The following BLNK variants were observed in gnomAD, a reference collection of about 807,000 sequenced individuals.
The protein encoded by BLNK is B cell linker, also known as B-cell linker protein.
BLNK carries 29 observed loss-of-function variants against 73.5 expected under a neutral mutation model. The ratio of observed to expected loss-of-function variants is 0.39; its 90% confidence interval spans 0.29 to 0.54. The LOEUF (loss-of-function observed/expected upper bound fraction) is 0.54, where lower values mean the gene tolerates loss of function less well. BLNK is among the 20% of genes least tolerant of loss of function. The probability of loss-of-function intolerance (pLI) is 0.61; values close to 1 mark genes in which losing one functional copy is unlikely to be tolerated. For synonymous variants in BLNK, 176 were observed against 200.8 expected (o/e 0.88, Z 1.04); for missense variants, 460 against 562.8 (o/e 0.82, Z 1.85).
chr10:96,239,227 G>A (rs1554905656), intron 3 of BLNK: 1 of 398,484 alleles, frequency 2.5e-6, no homozygotes, highest in East Asian at 3.6e-5. Context: ...AATGCCTAAA[G>A]CCAGGGAATG....
chr10:96,208,504 G>A (rs1554897960), intron 9 of BLNK, among the ~76,000 whole-genome samples: 1 of 152,140 alleles, frequency 6.6e-6, no homozygotes, highest in African/African-American at 2.4e-5. Flanking sequence ...GTACTTGCCT[G>A]CACTAACATT....
intron 2 of BLNK, among the ~76,000 whole-genome samples, chr10:96,244,171 G>A (rs1276724673): frequency 6.6e-6 from 1 of 152,050 alleles, no homozygotes; most frequent in Admixed American, 6.6e-5. Flanking sequence ...AAGCCAGCAG[G>A]GTGGGCTGGG....
chr10:96,233,298 T>C (rs1187186098), intron 3 of BLNK, among the ~76,000 whole-genome samples: 5 of 152,254 alleles, frequency 3.3e-5, no homozygotes, highest in Admixed American at 1.3e-4. Flanking sequence ...CAGTCACTGG[T>C]GAAAGTAGTG....
chr10:96,242,850 GA>G (rs1842921901), intron 2 of BLNK, 66 bp from the exon 3 acceptor site: 4 of 1,323,356 alleles, frequency 3.0e-6, no homozygotes, highest in Non-Finnish European at 4.4e-6. Context: ...GCCGATGCTA[GA>G]AGCTGATATA....
intron 15 of BLNK, chr10:96,199,621 A>G (rs2083574336): frequency 4.6e-6 from 2 of 433,968 alleles, no homozygotes; most frequent in Admixed American, 2.5e-5. Flanking sequence ...TAAGTAAAGG[A>G]AAAAGATCCT....
intron 1 of BLNK, among the ~76,000 whole-genome samples, chr10:96,247,802 C>A (rs1843112555): frequency 6.6e-6 from 1 of 152,200 alleles, no homozygotes; most frequent in Non-Finnish European, 1.5e-5. Flanking sequence ...TGATTGATCA[C>A]CTTCTGCAAC....
intron 1 of BLNK, among the ~76,000 whole-genome samples, chr10:96,257,774 G>A (rs765806565): frequency 4.6e-5 from 7 of 152,188 alleles, no homozygotes; most frequent in Non-Finnish European, 8.8e-5. Context: ...GGCACATGCA[G>A]GCCACAGAGC....
chr10:96,247,383 A>T (rs1554907916), intron 1 of BLNK, among the ~76,000 whole-genome samples: 1 of 152,200 alleles, frequency 6.6e-6, no homozygotes, highest in African/African-American at 2.4e-5. Flanking sequence ...CTGTGGACAT[A>T]GCAGAGGCTT....
At chr10:96,223,276 CA>C (rs1289313315) in intron 6 of BLNK, among the ~76,000 whole-genome samples, 2 of 152,134 alleles carry the variant, frequency 1.3e-5, no homozygotes, top group African/African-American at 4.8e-5. Context: ...GGAGAAGGGA[CA>C]AAAGACCCCG....
At chr10:96,201,648 G>A (rs969080160) in intron 13 of BLNK, among the ~76,000 whole-genome samples, 2 of 152,156 alleles carry the variant, frequency 1.3e-5, no homozygotes, top group Non-Finnish European at 2.9e-5. Context: ...AGACCAAAAT[G>A]TCTGAGAATT....
chr10:96,230,752 T>C lies in BLNK; in HGVS notation c.204+42A>G, dbSNP rs200213144. The C allele has an allele frequency of 2.9e-5, 47 of 1,593,558 alleles. 1 individual carries two copies. In the African/African-American group the frequency reaches 5.5e-4, roughly 19 times the overall value. ...AATAAGATCTTCAAAAGGCCTCCCATGGGACCCTGATGCCCTCCTGGTCCC... is the reference window on the plus strand; with the variant it reads ...AATAAGATCTTCAAAAGGCCTCCCACGGGACCCTGATGCCCTCCTGGTCCC... On this transcript the variant is annotated intron_variant, in intron 4 of 16. Transcript: ENST00000224337.
chr10:96,191,619 T>C lies in BLNK; in HGVS notation c.*354A>G, dbSNP rs2083331085. ...CCCAGCTACATTAGTGTACCAATGA[T>C]CATTGTGGAGGTTTAAATTTCCAGC... On this transcript the variant is annotated 3_prime_UTR_variant, in exon 17 of 17. Coordinates refer to ENST00000224337, the MANE Select transcript of BLNK (RefSeq NM_013314.4). 1 of 212,790 alleles carries C rather than the reference T, an allele frequency of 4.7e-6. No homozygotes were observed. Among genetic ancestry groups the C allele is most frequent in the East Asian group, 1.3e-4 (1 of 7,554 alleles). The allele number at this position is 212,790 out of a possible 1,614,324, so 13.2% of individuals were successfully genotyped here.
intron 3 of BLNK, among the ~76,000 whole-genome samples, chr10:96,238,318 A>G (rs888189282): frequency 3.9e-5 from 6 of 152,176 alleles, no homozygotes; most frequent in African/African-American, 1.2e-4. Flanking sequence ...CAGCATCACC[A>G]AGGTCAACAC....
chr10:96,270,502 T>C (rs1417035940), intron 1 of BLNK, among the ~76,000 whole-genome samples: 4 of 151,824 alleles, frequency 2.6e-5, no homozygotes, highest in Non-Finnish European at 5.9e-5. Context: ...TTAGGAGAAA[T>C]ACCTAATGTA....
intron 1 of BLNK, among the ~76,000 whole-genome samples, chr10:96,250,336 G>C (rs1338784688): frequency 6.6e-6 from 1 of 151,848 alleles, no homozygotes; most frequent in Non-Finnish European, 1.5e-5. Flanking sequence ...GAGAATCTTC[G>C]AGATAGAGGA....
In BLNK at chr10:96,216,716, C is replaced by T. The variant is rs141021727; in HGVS notation, c.544G>A (p.Val182Met). The T allele has an allele frequency of 1.2e-4, 197 of 1,613,922 alleles. No individual in the cohort carries two copies. The East Asian group carries it at 3.9e-3, about 32-fold the overall frequency. The stretch of plus-strand genomic sequence containing the variant: ...ATATAGTTTTCATCATTATCTTCCA[C>T]GGGGACCACATAATCAGCCTAACAG... Reference protein sequence around the residue: ...LEDEADYVVPVEDNDENYIHP... With the variant: ...LEDEADYVVPMEDNDENYIHP... The change falls in exon 7 of 17, where the codon GTG (valine) becomes ATG (methionine). Residue 182 changes from valine to methionine, a missense_variant. This residue lies in a region of BLNK where 233 missense variants were observed against 232.1 expected (regional missense o/e 1.00). Transcript: ENST00000224337.
chr10:96,223,434 G>A (rs1275508019), intron 6 of BLNK, among the ~76,000 whole-genome samples: 1 of 152,018 alleles, frequency 6.6e-6, no homozygotes, highest in Non-Finnish European at 1.5e-5. Flanking sequence ...TCTGCCTTAC[G>A]CCCAGGAGGC....
intron 15 of BLNK, chr10:96,199,579 A>G (rs1554895569): frequency 2.2e-6 from 1 of 456,504 alleles, no homozygotes; most frequent in Admixed American, 2.4e-5. Flanking sequence ...GAGGAACTTG[A>G]AAGAGAGGAG....
At chr10:96,211,337 T>G (rs1438087021) in intron 8 of BLNK, among the ~76,000 whole-genome samples, 4 of 152,218 alleles carry the variant, frequency 2.6e-5, no homozygotes, top group African/African-American at 9.6e-5. Flanking sequence ...ATGAAGGCAC[T>G]GTGTTAGGGG....
Sources: gnomAD v4.1 joint callset for allele counts (sites outside exome capture counted in the v4.1 genomes callset) on GRCh38, gnomAD v4.1.1 for gene constraint, gnomAD v4.1.1 regional missense constraint, MANE v1.5 for transcripts, NCBI Gene and HGNC (gene_info 2026-07-23, HGNC 2026-07-21) for gene names.